The following MALRD1 variants were observed in gnomAD, a reference collection of about 807,000 sequenced individuals.
MALRD1 encodes the protein MAM and LDL-receptor class A domain-containing protein 1.
MALRD1 carries 247 observed loss-of-function variants against 242.1 expected under a neutral mutation model. The observed-to-expected ratio is 1.02, with a 90% CI of 0.92 to 1.13. The LOEUF (loss-of-function observed/expected upper bound fraction) is 1.13, where lower values mean the gene tolerates loss of function less well. Ranked by LOEUF, MALRD1 falls within the 50% of genes most tolerant of loss-of-function variation. The pLI, the probability that MALRD1 is intolerant of heterozygous loss-of-function variation, is 0.00. For synonymous variants in MALRD1, 995 were observed against 866.6 expected (o/e 1.15, Z -2.60); for missense variants, 2,989 against 2,533.1 (o/e 1.18, Z -3.86).
chr10:19,411,940 CT>C (rs1299509915), intron 28 of MALRD1, among the ~76,000 whole-genome samples: 2 of 152,198 alleles, frequency 1.3e-5, no homozygotes, highest in African/African-American at 2.4e-5. Flanking sequence ...TGACTGTTCA[CT>C]CATGGTTTTT....
intron 28 of MALRD1, among the ~76,000 whole-genome samples, chr10:19,390,798 C>A (rs1328195044): frequency 6.6e-6 from 1 of 151,924 alleles, no homozygotes; most frequent in Non-Finnish European, 1.5e-5. Flanking sequence ...TTATTGGAAA[C>A]CAGAATTGAC....
At chr10:19,521,607 A>C (rs1833889088) in intron 31 of MALRD1, among the ~76,000 whole-genome samples, 1 of 152,158 alleles carries the variant, frequency 6.6e-6, no homozygotes, top group Non-Finnish European at 1.5e-5. Flanking sequence ...TGATCTAGAT[A>C]GTGTAAAGAT....
chr10:19,657,545 A>G (rs191688617), intron 36 of MALRD1, among the ~76,000 whole-genome samples: 9,850 of 150,614 alleles, frequency 0.065, 491 homozygotes, highest in Non-Finnish European at 0.093. Flanking sequence ...TTTTCTTAAC[A>G]TTTTTTTTTA....
intron 36 of MALRD1, among the ~76,000 whole-genome samples, chr10:19,647,043 G>C (rs1840691121): frequency 1.3e-5 from 2 of 152,224 alleles, no homozygotes; most frequent in Non-Finnish European, 2.9e-5. Flanking sequence ...ATGTCCTCAG[G>C]TGACCTAGAA....
chr10:19,081,645 G>C (rs551994890), intron 2 of MALRD1, among the ~76,000 whole-genome samples: 3 of 152,062 alleles, frequency 2.0e-5, no homozygotes, highest in African/African-American at 7.2e-5. Context: ...GCATCAGGAA[G>C]AATACCTAAT....
chr10:19,398,745 T>C (rs1251409910), intron 28 of MALRD1, among the ~76,000 whole-genome samples: 1 of 152,240 alleles, frequency 6.6e-6, no homozygotes, highest in Non-Finnish European at 1.5e-5. Flanking sequence ...TTTACATTAT[T>C]TATTAAGAAA....
At chr10:19,704,270 G>C (rs560019283) in intron 38 of MALRD1, among the ~76,000 whole-genome samples, 34 of 152,240 alleles carry the variant, frequency 2.2e-4, no homozygotes, top group African/African-American at 8.2e-4. Context: ...AAACTCGGTG[G>C]TATAAACAAG....
intron 21 of MALRD1, among the ~76,000 whole-genome samples, chr10:19,289,320 G>A (rs1841294153): frequency 1.3e-5 from 2 of 152,112 alleles, no homozygotes; most frequent in South Asian, 2.1e-4. Context: ...ATTTCCTAAG[G>A]AATCCCAGGA....
chr10:19,116,327 C>G (rs997305548), intron 5 of MALRD1, among the ~76,000 whole-genome samples: 1 of 152,176 alleles, frequency 6.6e-6, no homozygotes. Context: ...GCCTAAGTCT[C>G]ATTTGTAAAG....
chr10:19,711,154 C>G (rs1834093161), intron 38 of MALRD1: 1 of 151,922 alleles, frequency 6.6e-6, no homozygotes, highest in Non-Finnish European at 1.5e-5. Flanking sequence ...TTTTTGCTTT[C>G]AAATCTTCTG....
chr10:19,448,392 T>C (rs993752145), intron 28 of MALRD1, among the ~76,000 whole-genome samples: 10 of 152,184 alleles, frequency 6.6e-5, no homozygotes, highest in Non-Finnish European at 1.0e-4. Flanking sequence ...GACCAAGGAA[T>C]ATTAACTGGG....
intron 14 of MALRD1, among the ~76,000 whole-genome samples, chr10:19,196,726 C>T (rs1165514453): frequency 6.6e-6 from 1 of 152,126 alleles, no homozygotes; most frequent in African/African-American, 2.4e-5. Flanking sequence ...GATTCTGTTT[C>T]CCTCAACCAC....
At chr10:19,585,304 T>C (rs1198074126) in intron 33 of MALRD1, among the ~76,000 whole-genome samples, 2 of 152,142 alleles carry the variant, frequency 1.3e-5, no homozygotes, top group African/African-American at 4.8e-5. Flanking sequence ...TTAGTTGATG[T>C]AGTTTCTTTC....
intron 28 of MALRD1, among the ~76,000 whole-genome samples, chr10:19,438,238 C>T (rs1231707682): frequency 1.3e-5 from 2 of 151,910 alleles, no homozygotes; most frequent in African/African-American, 2.4e-5. Flanking sequence ...TCGTCACTAC[C>T]CTACTCTGCA....
At chr10:19,323,383 C>T (rs975601315) in intron 21 of MALRD1, among the ~76,000 whole-genome samples, 1 of 151,980 alleles carries the variant, frequency 6.6e-6, no homozygotes, top group African/African-American at 2.4e-5. Flanking sequence ...GCAAAAATAT[C>T]AACCAAGTTA....
intron 29 of MALRD1, among the ~76,000 whole-genome samples, chr10:19,455,078 TAAGGAAGC>T (rs1564357379): frequency 6.6e-6 from 1 of 152,116 alleles, no homozygotes; most frequent in Non-Finnish European, 1.5e-5. Flanking sequence ...GACAAGTTAA[TAAGGAAGC>T]AAGGAAGCAA....
At chr10:19,289,204 C>T (rs1228499566) in intron 21 of MALRD1, among the ~76,000 whole-genome samples, 1 of 152,064 alleles carries the variant, frequency 6.6e-6, no homozygotes, top group African/African-American at 2.4e-5. Flanking sequence ...AAAAGGTGGA[C>T]TAGAATTTCA....
At chr10:19,117,625 C>T (rs1836918660) in intron 5 of MALRD1, among the ~76,000 whole-genome samples, 1 of 152,138 alleles carries the variant, frequency 6.6e-6, no homozygotes, top group Non-Finnish European at 1.5e-5. Flanking sequence ...GCAATCTTAG[C>T]TTCATTTATT....
chr10:19,598,705 G>T (rs978016749), intron 34 of MALRD1, among the ~76,000 whole-genome samples: 2 of 152,138 alleles, frequency 1.3e-5, no homozygotes, highest in East Asian at 3.9e-4. Flanking sequence ...ATAACATAAG[G>T]TTACATGGCC....
Sources: allele counts gnomAD v4.1 joint callset (sites outside exome capture counted in the v4.1 genomes callset), GRCh38; gene constraint gnomAD v4.1.1; transcripts MANE v1.5; gene names NCBI Gene and HGNC (gene_info 2026-07-23, HGNC 2026-07-21).